The following HERC1 variants were observed in gnomAD, a reference collection of about 807,000 sequenced individuals.
HERC1 encodes the protein HECT and RLD domain containing E3 ubiquitin protein ligase family member 1, also known as probable E3 ubiquitin-protein ligase HERC1.
HERC1 carries 160 observed loss-of-function variants against 554.3 expected under a neutral mutation model. The ratio of observed to expected loss-of-function variants is 0.29; its 90% CI spans 0.25 to 0.33. The LOEUF (loss-of-function observed/expected upper bound fraction) is 0.33. Among genes scored for constraint, HERC1 ranks in the 10% least tolerant of loss-of-function variants. The probability of loss-of-function intolerance (pLI) is 1.00; values close to 1 mark genes in which losing one functional copy is unlikely to be tolerated. For missense variants in HERC1, 4,919 were observed against 5,918.5 expected, an observed-to-expected ratio of 0.83 and a Z score of 5.54; for synonymous variants, 2,175 against 2,131.7, an observed-to-expected ratio of 1.02 and a Z score of -0.56.
At chr15:63,682,221 T>G (rs2071514530) in intron 34 of HERC1, among the ~76,000 whole-genome samples, 3 of 152,162 alleles carry the variant, frequency 2.0e-5, no homozygotes, top group Admixed American at 2.0e-4. Context: ...AAAAGTTACC[T>G]ATCAATTTTT....
chr15:63,771,253 G>A (rs2075947478), intron 2 of HERC1, among the ~76,000 whole-genome samples: 1 of 151,758 alleles, frequency 6.6e-6, no homozygotes, highest in Non-Finnish European at 1.5e-5. Context: ...TACTATCACT[G>A]ACTGTGCAAG....
intron 65 of HERC1, among the ~76,000 whole-genome samples, chr15:63,635,179 C>G (rs1478377253): frequency 1.3e-5 from 2 of 152,004 alleles, no homozygotes; most frequent in African/African-American, 4.8e-5. Context: ...TCCCAAGTAG[C>G]TGGGACTACA....
chr15:63,774,018 C>G (rs1567111990), intron 2 of HERC1, among the ~76,000 whole-genome samples: 1 of 152,164 alleles, frequency 6.6e-6, no homozygotes, highest in Non-Finnish European at 1.5e-5. Flanking sequence ...ACGCTCTTCA[C>G]AGATCTTTCC....
At chr15:63,620,330 C>A (rs2068019328) in intron 74 of HERC1, among the ~76,000 whole-genome samples, 1 of 152,098 alleles carries the variant, frequency 6.6e-6, no homozygotes, top group East Asian at 1.9e-4. Context: ...ATCCTGAGTT[C>A]TAGTTTGATT....
At chr15:63,642,735 C>T (rs1337536074) in intron 59 of HERC1, among the ~76,000 whole-genome samples, 10 of 152,180 alleles carry the variant, frequency 6.6e-5, no homozygotes, top group Non-Finnish European at 1.2e-4. Context: ...TATCTAAGCA[C>T]TGTCACCAAA....
At position 63,694,897 on chromosome 15, in the gene HERC1, G is replaced by A. The variant is rs749026672; in HGVS notation, c.5122-3C>T. On this transcript the variant is annotated splice_region_variant and splice_polypyrimidine_tract_variant and intron_variant, in intron 27 of 77. Coordinates refer to ENST00000443617, the MANE Select transcript of HERC1 (RefSeq NM_003922.4). The surrounding 1 kb of genome is among the most constrained non-coding windows in gnomAD (Gnocchi z 4.3). ...CTCTTAGCTGCTCTGATCCCATCCTGAATTACACATAAAGAATTACTTTTT... is the reference window on the plus strand; with the variant it reads ...CTCTTAGCTGCTCTGATCCCATCCTAAATTACACATAAAGAATTACTTTTT... The A allele has an allele frequency of 6.2e-7, 1 of 1,608,054 alleles. No homozygotes were observed. Among genetic ancestry groups the A allele is most frequent in the African/African-American group, 1.3e-5 (1 of 74,766 alleles).
intron 14 of HERC1, among the ~76,000 whole-genome samples, chr15:63,731,128 T>C (rs74021330): frequency 0.018 from 2,667 of 152,330 alleles, 67 homozygotes; most frequent in African/African-American, 0.061. Flanking sequence ...AAATATTCCA[T>C]TGAACACATG....
chr15:63,764,216 C>T lies in HERC1; in HGVS notation c.931-25G>A, dbSNP rs8030164. The T allele has an allele frequency of 5.7e-3, 8,639 of 1,514,204 alleles. 421 individuals carry two copies. In the African/African-American group the frequency reaches 0.11, roughly 18 times the overall value. 93.8% of individuals were successfully genotyped at this position (1,514,204 alleles called of 1,614,324 possible). A position where few individuals can be genotyped will look rare whatever the true frequency, so the allele number is the denominator to read the frequency against. ...CCTATAATTAAAACATTGCGGGACA[C>T]AGCGTAGGAAGGGGAGAGACATATG... is the stretch of plus-strand genomic sequence containing the variant. On this transcript the variant is annotated intron_variant, in intron 2 of 77. Coordinates refer to ENST00000443617, the MANE Select transcript of HERC1 (RefSeq NM_003922.4).
chr15:63,755,005 T>C (rs911946808), intron 6 of HERC1, among the ~76,000 whole-genome samples: 2 of 152,190 alleles, frequency 1.3e-5, no homozygotes, highest in Admixed American at 1.3e-4. Context: ...CTACAATGCC[T>C]GGTCATAATA....
chr15:63,670,136 A>G (rs576338923), intron 39 of HERC1, among the ~76,000 whole-genome samples: 1 of 152,324 alleles, frequency 6.6e-6, no homozygotes, highest in East Asian at 1.9e-4. Flanking sequence ...ATTCACATGG[A>G]TTGAAAGTAA....
At chr15:63,641,938 A>C (rs763905727) in intron 59 of HERC1, among the ~76,000 whole-genome samples, 3 of 152,150 alleles carry the variant, frequency 2.0e-5, no homozygotes, top group Non-Finnish European at 4.4e-5. Flanking sequence ...AGAATAAGGC[A>C]TCTACTATAT....
chr15:63,748,959 T>C (rs2075149891), intron 10 of HERC1, among the ~76,000 whole-genome samples: 1 of 83,438 alleles, frequency 1.2e-5, no homozygotes. Flanking sequence ...CAATTTTTTT[T>C]CCAAAAAAAA....
chr15:63,712,970 G>T, intron 23 of HERC1, 75 bp from the exon 24 acceptor site: 1 of 1,387,910 alleles, frequency 7.2e-7, no homozygotes, highest in Non-Finnish European at 9.8e-7. Context: ...TGGAATTGGA[G>T]CACAGAGATA....
chr15:63,737,079 G>A (rs550507860), intron 12 of HERC1, among the ~76,000 whole-genome samples: 9 of 151,484 alleles, frequency 5.9e-5, no homozygotes, highest in Admixed American at 5.3e-4. Context: ...AAGACAGAAC[G>A]GGAGGCTACT....
Position 63,694,997 on chromosome 15 carries a change from G to A in HERC1, c.5122-103C>T, listed in dbSNP as rs969017999. ...TTTCTAGTCTATGCTAGAGCCTTAC[G>A]ATGGTTTTTAATTATTTACTATATT... is the stretch of plus-strand genomic sequence containing the variant. On this transcript the variant is annotated intron_variant, in intron 27 of 77. Transcript: ENST00000443617. This position sits in a 1 kb window ranked among gnomAD's most constrained non-coding sequence, Gnocchi z 4.3. 2.6e-5 allele frequency: 28 copies of A among 1,067,716 alleles called. No homozygotes were observed. In the East Asian group the frequency reaches 5.4e-4, roughly 21 times the overall value. The allele number at this position is 1,067,716 out of a possible 1,614,324, so 66.1% of individuals were successfully genotyped here.
At chr15:63,616,925 T>A (rs150944919) in intron 74 of HERC1, among the ~76,000 whole-genome samples, 62 of 152,324 alleles carry the variant, frequency 4.1e-4, no homozygotes, top group African/African-American at 1.4e-3. Context: ...ACATGGACTA[T>A]ATTCTGAACT....
chr15:63,740,601 T>G (rs1033047956), intron 12 of HERC1, among the ~76,000 whole-genome samples: 1 of 152,254 alleles, frequency 6.6e-6, no homozygotes, highest in Admixed American at 6.5e-5. Flanking sequence ...GCCAGCCTTT[T>G]TGATTACTGT....
At chr15:63,784,394 A>G (rs2076376471) in intron 1 of HERC1, among the ~76,000 whole-genome samples, 1 of 152,206 alleles carries the variant, frequency 6.6e-6, no homozygotes, top group African/African-American at 2.4e-5. Flanking sequence ...TATGTAAAGT[A>G]TTTGTGTATA....
intron 3 of HERC1, among the ~76,000 whole-genome samples, chr15:63,762,265 T>TA (rs2075636298): frequency 6.6e-6 from 1 of 152,210 alleles, no homozygotes; most frequent in Admixed American, 6.5e-5. Flanking sequence ...TCACTGCAGA[T>TA]AATAATTCAA....
Sources: gnomAD v4.1 joint callset for allele counts (sites outside exome capture counted in the v4.1 genomes callset) on GRCh38, gnomAD v4.1.1 for gene constraint, Gnocchi (gnomAD v3.1) non-coding constraint, MANE v1.5 for transcripts, NCBI Gene and HGNC (gene_info 2026-07-23, HGNC 2026-07-21) for gene names.